Variants in CTNNA3 observed in about 807,000 individuals in gnomAD.
CTNNA3 encodes catenin alpha-3.
Under a neutral mutation model 95.7 loss-of-function variants are expected in CTNNA3, and 76 were observed. The observed-to-expected ratio is 0.79, with a 90% CI of 0.66 to 0.96. The LOEUF (loss-of-function observed/expected upper bound fraction) is 0.96, where lower values mean the gene tolerates loss of function less well. Among genes scored for constraint, CTNNA3 ranks in the 40% least tolerant of loss-of-function variants. The pLI is 0.00. For synonymous variants in CTNNA3, 431 were observed against 374.4 expected, an observed-to-expected ratio of 1.15 and a Z score of -1.74; for missense variants, 1,191 against 1,089.8, an observed-to-expected ratio of 1.09 and a Z score of -1.31.
At chr10:67,692,364 C>T (rs1840882797) in intron 1 of CTNNA3, among the ~76,000 whole-genome samples, 1 of 144,504 alleles carries the variant, frequency 6.9e-6, no homozygotes, top group African/African-American at 2.6e-5. Context: ...AAGAGGTAGA[C>T]ATGGGAGACT....
intron 11 of CTNNA3, among the ~76,000 whole-genome samples, chr10:66,503,506 T>A (rs1164774248): frequency 6.6e-6 from 1 of 152,088 alleles, no homozygotes; most frequent in Non-Finnish European, 1.5e-5. Context: ...TCTTGCTCTG[T>A]CACCCAGGCT....
At chr10:66,104,010 A>C (rs2081774543) in intron 13 of CTNNA3, among the ~76,000 whole-genome samples, 1 of 152,348 alleles carries the variant, frequency 6.6e-6, no homozygotes, top group African/African-American at 2.4e-5. Context: ...CTTACAGTTG[A>C]TAAATGCATT....
At chr10:66,113,537 C>A (rs570391943) in intron 13 of CTNNA3, among the ~76,000 whole-genome samples, 8 of 152,062 alleles carry the variant, frequency 5.3e-5, no homozygotes, top group Non-Finnish European at 8.8e-5. Context: ...TCAAACGCTG[C>A]CCTTAATATC....
intron 5 of CTNNA3, among the ~76,000 whole-genome samples, chr10:67,404,988 C>T (rs1845081379): frequency 6.6e-6 from 1 of 152,126 alleles, no homozygotes; most frequent in South Asian, 2.1e-4. Flanking sequence ...GAAATAAGAT[C>T]CTTTTCAGAC....
chr10:66,907,665 A>C (rs780025766), intron 7 of CTNNA3, among the ~76,000 whole-genome samples: 42 of 152,286 alleles, frequency 2.8e-4, no homozygotes, highest in Non-Finnish European at 4.4e-4. Context: ...TAAGTTTTCT[A>C]TTCACTCTAC....
chr10:67,447,516 A>C (rs1167207892), intron 5 of CTNNA3, among the ~76,000 whole-genome samples: 2 of 152,176 alleles, frequency 1.3e-5, no homozygotes. Flanking sequence ...TCCTTCAAAG[A>C]AAAGCCTCCA....
chr10:66,000,737 A>T (rs1289730525), intron 15 of CTNNA3, among the ~76,000 whole-genome samples: 2 of 152,170 alleles, frequency 1.3e-5, no homozygotes, highest in Non-Finnish European at 2.9e-5. Flanking sequence ...TACTATACAC[A>T]CACTAATTTT....
At chr10:66,306,478 A>C (rs1356394586) in intron 12 of CTNNA3, among the ~76,000 whole-genome samples, 1 of 152,194 alleles carries the variant, frequency 6.6e-6, no homozygotes, top group Admixed American at 6.5e-5. Flanking sequence ...AGAAGGGCTT[A>C]GTGAATCGAT....
At chr10:67,735,611 A>G (rs751434904) in intron 1 of CTNNA3, among the ~76,000 whole-genome samples, 26 of 152,240 alleles carry the variant, frequency 1.7e-4, no homozygotes, top group Non-Finnish European at 3.7e-4. Context: ...ACCACACCAC[A>G]TCTATTAAGA....
intron 7 of CTNNA3, among the ~76,000 whole-genome samples, chr10:67,106,087 C>T (rs1367623346): frequency 6.6e-6 from 1 of 152,210 alleles, no homozygotes; most frequent in Non-Finnish European, 1.5e-5. Flanking sequence ...AAGAATTACA[C>T]AACTGGGGTT....
chr10:66,273,320 A>T (rs2091322251), intron 13 of CTNNA3, among the ~76,000 whole-genome samples: 1 of 152,194 alleles, frequency 6.6e-6, no homozygotes, highest in Admixed American at 6.6e-5. Flanking sequence ...GATGATTTAC[A>T]TCCCAGGCAG....
chr10:67,745,585 C>T (rs1295498502), intron 1 of CTNNA3, among the ~76,000 whole-genome samples: 2 of 151,380 alleles, frequency 1.3e-5, no homozygotes, highest in African/African-American at 2.4e-5. Flanking sequence ...GGGTGCAGCA[C>T]ACCAACATGG....
In CTNNA3 at chr10:66,106,273, C is replaced by G. The variant is rs149942494; in HGVS notation, c.1885-3024G>C. Among the ~76,000 whole-genome samples the G allele has an allele frequency of 1.2e-3, 187 of 150,962 alleles. 1 individual carries two copies. Among genetic ancestry groups the G allele is most frequent in the African/African-American group, 4.3e-3 (176 of 40,960 alleles). ...GATGATAGAGTACCCTAGATCATGC[C>G]TTCTTAAAATTGTCTGCTTCTACCT... is the stretch of plus-strand genomic sequence containing the variant. On this transcript the variant is annotated intron_variant, in intron 13 of 17. Transcript: ENST00000433211.
chr10:67,097,393 G>C (rs929415051), intron 7 of CTNNA3, among the ~76,000 whole-genome samples: 1 of 151,788 alleles, frequency 6.6e-6, no homozygotes, highest in African/African-American at 2.4e-5. Context: ...TTTCATCCCA[G>C]GATTTAAAAC....
chr10:66,685,441 C>T (rs1350147761), intron 9 of CTNNA3, among the ~76,000 whole-genome samples: 24 of 120,398 alleles, frequency 2.0e-4, no homozygotes, highest in Admixed American at 8.5e-4. Context: ...GGCGCTATCT[C>T]GGTTCACTGT....
intron 11 of CTNNA3, among the ~76,000 whole-genome samples, chr10:66,383,878 G>A (rs193027474): frequency 1.3e-3 from 198 of 152,198 alleles, no homozygotes; most frequent in Non-Finnish European, 2.3e-3. Context: ...ATAAAACCCT[G>A]TACAGACAAG....
intron 2 of CTNNA3, among the ~76,000 whole-genome samples, chr10:67,611,569 G>C (rs1843458254): frequency 6.6e-6 from 1 of 152,142 alleles, no homozygotes; most frequent in Admixed American, 6.5e-5. Flanking sequence ...GCCCGCCTCA[G>C]CCTCCCAAAG....
chr10:66,697,319 GATTTGGGGAA>G (rs1167824032), intron 9 of CTNNA3, among the ~76,000 whole-genome samples: 1 of 150,824 alleles, frequency 6.6e-6, no homozygotes, highest in African/African-American at 2.4e-5. Flanking sequence ...GACAAATGGA[GATTTGGGGAA>G]ATTGTATTGG....
intron 7 of CTNNA3, among the ~76,000 whole-genome samples, chr10:66,899,521 G>A (rs966510646): frequency 1.3e-5 from 2 of 152,124 alleles, no homozygotes; most frequent in Non-Finnish European, 2.9e-5. Flanking sequence ...TGCAGCCCAC[G>A]GAGGGTGAGC....
Sources: gnomAD v4.1 joint callset for allele counts (sites outside exome capture counted in the v4.1 genomes callset) on GRCh38, gnomAD v4.1.1 for gene constraint, MANE v1.5 for transcripts, NCBI Gene and HGNC (gene_info 2026-07-23, HGNC 2026-07-21) for gene names.